The following TMEM132D variants were observed in gnomAD, a reference collection of about 807,000 sequenced individuals.
TMEM132D encodes transmembrane protein 132D, also known as mature OL transmembrane protein.
TMEM132D carries 21 observed loss-of-function variants against 62.3 expected under a neutral mutation model. The ratio of observed to expected loss-of-function variants is 0.34; its 90% CI spans 0.24 to 0.49. The LOEUF (loss-of-function observed/expected upper bound fraction) is 0.49, where lower values mean the gene tolerates loss of function less well. TMEM132D is among the 20% of genes least tolerant of loss of function. TMEM132D has a pLI of 0.99. For synonymous variants in TMEM132D, 621 were observed against 575.6 expected (o/e 1.08, Z -1.13); for missense variants, 1,346 against 1,402.8 (o/e 0.96, Z 0.65).
chr12:129,831,186 G>C (rs927039408), intron 1 of TMEM132D, among the ~76,000 whole-genome samples: 5 of 152,184 alleles, frequency 3.3e-5, no homozygotes, highest in African/African-American at 1.2e-4. Context: ...CCACTCACCA[G>C]CACATCACTG....
At chr12:129,454,403 G>A (rs1873394788) in intron 3 of TMEM132D, among the ~76,000 whole-genome samples, 1 of 152,158 alleles carries the variant, frequency 6.6e-6, no homozygotes, top group Admixed American at 6.5e-5. Context: ...GGAAGTCAAG[G>A]CAGGGGTTTC....
intron 3 of TMEM132D, among the ~76,000 whole-genome samples, chr12:129,458,234 T>A (rs1873543780): frequency 6.6e-6 from 1 of 152,164 alleles, no homozygotes; most frequent in Non-Finnish European, 1.5e-5. Context: ...TCTGCTGAGT[T>A]CTTGACTGCA....
intron 5 of TMEM132D, among the ~76,000 whole-genome samples, chr12:129,160,920 A>G (rs1036200519): frequency 3.9e-5 from 6 of 152,120 alleles, no homozygotes; most frequent in African/African-American, 9.7e-5. Flanking sequence ...GAGGGAGATG[A>G]GTTTGATTTT....
intron 5 of TMEM132D, among the ~76,000 whole-genome samples, chr12:129,098,493 T>C (rs1450305318): frequency 1.3e-5 from 2 of 152,204 alleles, no homozygotes; most frequent in Non-Finnish European, 2.9e-5. Context: ...CTAGGGTCTC[T>C]ACCAAGAAAT....
At chr12:129,823,391 T>C (rs1015127634) in intron 1 of TMEM132D, among the ~76,000 whole-genome samples, 2 of 152,254 alleles carry the variant, frequency 1.3e-5, no homozygotes, top group Non-Finnish European at 2.9e-5. Flanking sequence ...GCAGGTGTCC[T>C]GCATAAGCCA....
intron 2 of TMEM132D, among the ~76,000 whole-genome samples, chr12:129,542,350 G>C (rs868566828): frequency 6.6e-6 from 1 of 152,170 alleles, no homozygotes; most frequent in Non-Finnish European, 1.5e-5. Context: ...CAGTGTTTTA[G>C]AGAAATTGCT....
chr12:129,135,201 C>T (rs1290874393), intron 5 of TMEM132D, among the ~76,000 whole-genome samples: 2 of 152,170 alleles, frequency 1.3e-5, no homozygotes, highest in African/African-American at 4.8e-5. Context: ...CAGGTAACCC[C>T]AGAGACAAAC....
At chr12:129,348,201 C>T (rs1215910032) in intron 3 of TMEM132D, among the ~76,000 whole-genome samples, 2 of 152,194 alleles carry the variant, frequency 1.3e-5, no homozygotes, top group African/African-American at 2.4e-5. Flanking sequence ...AATCCCATTA[C>T]TGGGTATATA....
chr12:129,244,627 ATTTTTGTTTTG>A (rs1880043451), intron 4 of TMEM132D, among the ~76,000 whole-genome samples: 3 of 151,210 alleles, frequency 2.0e-5, no homozygotes, highest in African/African-American at 7.3e-5. Context: ...TTTTTGTTTT[ATTTTTGTTTTG>A]TTTTGTTTTG....
chr12:129,113,453 C>A (rs540307015), intron 5 of TMEM132D, among the ~76,000 whole-genome samples: 3 of 152,300 alleles, frequency 2.0e-5, no homozygotes, highest in African/African-American at 7.2e-5. Flanking sequence ...AGGATTACAT[C>A]TGGGCTCTGG....
At chr12:129,336,837 T>G (rs1869296526) in intron 4 of TMEM132D, among the ~76,000 whole-genome samples, 1 of 152,170 alleles carries the variant, frequency 6.6e-6, no homozygotes, top group African/African-American at 2.4e-5. Flanking sequence ...CAGGGAGAGC[T>G]GCTCAGTCTC....
intron 3 of TMEM132D, among the ~76,000 whole-genome samples, chr12:129,406,861 G>T (rs547080109): frequency 6.6e-6 from 1 of 152,284 alleles, no homozygotes; most frequent in East Asian, 1.9e-4. Context: ...AGTATCCCTG[G>T]TTATGCACGA....
chr12:129,446,018 G>T (rs1468729921), intron 3 of TMEM132D, among the ~76,000 whole-genome samples: 1 of 152,164 alleles, frequency 6.6e-6, no homozygotes, highest in Non-Finnish European at 1.5e-5. Context: ...ACTTTATACA[G>T]CTCTACCAGT....
intron 2 of TMEM132D, among the ~76,000 whole-genome samples, chr12:129,613,382 C>T (rs11060465): frequency 0.21 from 31,367 of 152,202 alleles, 4,046 homozygotes; most frequent in Admixed American, 0.36. Context: ...GGATCTGCTC[C>T]ATCCTCATGC....
intron 5 of TMEM132D, among the ~76,000 whole-genome samples, chr12:129,168,627 C>G (rs140437572): frequency 7.2e-5 from 11 of 152,304 alleles, no homozygotes; most frequent in Middle Eastern, 3.4e-3. Context: ...TCACCTCCCC[C>G]AGGGGGGTTC....
chr12:129,097,303 C>A (rs775194514), intron 5 of TMEM132D, among the ~76,000 whole-genome samples: 10 of 152,244 alleles, frequency 6.6e-5, no homozygotes, highest in Admixed American at 6.5e-5. Context: ...AACCAGTATT[C>A]TCAGCCCTGT....
intron 5 of TMEM132D, among the ~76,000 whole-genome samples, chr12:129,133,778 C>A (rs1876451275): frequency 6.6e-6 from 1 of 152,226 alleles, no homozygotes; most frequent in Non-Finnish European, 1.5e-5. Context: ...TAGTGAAGTA[C>A]CTCATTTCCT....
chr12:129,207,223 A>C (rs11060198), intron 5 of TMEM132D, among the ~76,000 whole-genome samples: 2 of 150,922 alleles, frequency 1.3e-5, no homozygotes, highest in South Asian at 4.2e-4. Context: ...ACGGAGCTTA[A>C]GTTCCAAGGA....
rs116204588 is a variant in TMEM132D, at chr12:129,270,537, G to A, written c.1300-60874C>T. 9.5e-3 allele frequency among the ~76,000 whole-genome samples: 1,447 copies of A among 152,256 alleles called. 15 individuals are homozygous for A. The highest frequency in any genetic ancestry group is 0.029 in the African/African-American group (1,213 of 41,536). On this transcript the variant is annotated intron_variant, in intron 4 of 8. Transcript: ENST00000422113. ...CGTACACAAATGCCGTTTGAATCAC[G>A]TCTAGACAAATCTCCATCAATTAGT...
Sources: allele counts gnomAD v4.1 joint callset (sites outside exome capture counted in the v4.1 genomes callset), GRCh38; gene constraint gnomAD v4.1.1; transcripts MANE v1.5; gene names NCBI Gene and HGNC (gene_info 2026-07-23, HGNC 2026-07-21).